TMEM144: variants seen among roughly 807,000 people sequenced by gnomAD.
TMEM144 encodes transmembrane protein 144.
Under a neutral mutation model 43.6 loss-of-function variants are expected in TMEM144, and 39 were observed. The observed-to-expected ratio is 0.90, with a 90% CI of 0.69 to 1.17. The LOEUF (loss-of-function observed/expected upper bound fraction) is 1.17, where lower values mean the gene tolerates loss of function less well. Among genes scored for constraint, TMEM144 ranks in the 50% most tolerant of loss-of-function variants. The probability of loss-of-function intolerance (pLI) is 0.00; values close to 1 mark genes in which losing one functional copy is unlikely to be tolerated. For missense variants in TMEM144, 417 were observed against 411.9 expected (o/e 1.01, Z -0.11); for synonymous variants, 154 against 133.6 (o/e 1.15, Z -1.06).
intron 6 of TMEM144, among the ~76,000 whole-genome samples, chr4:158,225,662 T>C (rs1734728002): frequency 6.6e-6 from 1 of 152,226 alleles, no homozygotes; most frequent in Admixed American, 6.5e-5. Context: ...AGTGCCATGC[T>C]AGTTATTCGG....
chr4:158,212,977 G>T, intron 3 of TMEM144: 1 of 599,668 alleles, frequency 1.7e-6, no homozygotes, highest in Non-Finnish European at 2.9e-6. Context: ...GTTGTTTCAT[G>T]GTAAAGTTAG....
Position 158,233,054 on chromosome 4 carries a change from A to T in TMEM144, c.495+72A>T, listed in dbSNP as rs73860314. 1,723 of 1,192,994 alleles carry T rather than the reference A, an allele frequency of 1.4e-3. 14 individuals are homozygous for T. In the African/African-American group the frequency reaches 0.023, roughly 16 times the overall value. The allele number at this position is 1,192,994 out of a possible 1,614,324, so 73.9% of individuals were successfully genotyped here. On this transcript the variant is annotated intron_variant, in intron 7 of 12. Coordinates refer to ENST00000296529, the MANE Select transcript of TMEM144 (RefSeq NM_018342.5). ...ATAAATGGATAATACATAAATTTTAAACACAGATGAAAAAGTGGTGTTTGC... is the reference window on the plus strand; with the variant it reads ...ATAAATGGATAATACATAAATTTTATACACAGATGAAAAAGTGGTGTTTGC...
At position 158,255,165 on chromosome 4, in the gene TMEM144, G is replaced by C. The variant is rs1230436203; in HGVS notation, c.*1638G>C. The C allele has an allele frequency of 6.6e-6, 1 of 151,932 alleles. No individual in the cohort carries two copies. Among genetic ancestry groups the C allele is most frequent in the Non-Finnish European group, 1.5e-5 (1 of 67,954 alleles). 9.4% of individuals were successfully genotyped at this position (151,932 alleles called of 1,614,324 possible). On this transcript the variant is annotated 3_prime_UTR_variant, in exon 13 of 13. Transcript: ENST00000296529. ...CTTAAAAGTGATGGAGCTTCTGTTT[G>C]TTTATTGAATTGCTAATACAAATAA...
Position 158,244,330 on chromosome 4 carries a change from T to A in TMEM144, c.935T>A (p.Phe312Tyr). ...PGFIAAMWGIFMFKEIKGLQN... is the reference protein window; with the variant it reads ...PGFIAAMWGIYMFKEIKGLQN... The stretch of plus-strand genomic sequence containing the variant: ...TTTATAGCTGCAATGTGGGGTATCT[T>A]CATGTTTAAGGAAATAAAGGTATGT... Residue 312 changes from phenylalanine (F) to tyrosine (Y), a missense_variant, in exon 12 of 13, where the codon TTC becomes TAC. Transcript: ENST00000296529. The A allele has an allele frequency of 6.2e-7, 1 of 1,609,042 alleles. No homozygotes were observed. Among genetic ancestry groups the A allele is most frequent in the Non-Finnish European group, 8.5e-7 (1 of 1,177,370 alleles).
chr4:158,225,230 A>G (rs1734704458), intron 6 of TMEM144, among the ~76,000 whole-genome samples: 1 of 152,144 alleles, frequency 6.6e-6, no homozygotes, highest in South Asian at 2.1e-4. Flanking sequence ...TTTTAGAGAT[A>G]GGCCACTGGC....
At chr4:158,251,994 A>T (rs1484827884) in intron 12 of TMEM144, among the ~76,000 whole-genome samples, 2 of 152,178 alleles carry the variant, frequency 1.3e-5, no homozygotes, top group Non-Finnish European at 2.9e-5. Context: ...ACAATAAGGA[A>T]GCTTGAAACC....
rs1736390637 is a variant in TMEM144, at chr4:158,254,635, C to T, written c.*1108C>T. ...TTTAAATTTGTAAGAAAAAAGAAAA[C>T]TGAAACAGAACTGCCAGTACAATGT... On this transcript the variant is annotated 3_prime_UTR_variant, in exon 13 of 13. Coordinates refer to ENST00000296529, the MANE Select transcript of TMEM144 (RefSeq NM_018342.5). 6.6e-6 allele frequency: 1 copy of T among 152,046 alleles called. No homozygotes were observed. Among genetic ancestry groups the T allele is most frequent in the South Asian group, 2.1e-4 (1 of 4,820 alleles). The allele number at this position is 152,046 out of a possible 1,614,324, so 9.4% of individuals were successfully genotyped here. A position where few individuals can be genotyped will look rare whatever the true frequency, so the allele number is the denominator to read the frequency against.
At chr4:158,239,767 C>A (rs1735532998) in intron 9 of TMEM144, among the ~76,000 whole-genome samples, 1 of 151,856 alleles carries the variant, frequency 6.6e-6, no homozygotes, top group Admixed American at 6.6e-5. Context: ...TAAAAACTAG[C>A]CTTTAGTTTT....
At chr4:158,231,915 T>C (rs1205752852) in intron 6 of TMEM144, among the ~76,000 whole-genome samples, 1 of 152,196 alleles carries the variant, frequency 6.6e-6, no homozygotes, top group Admixed American at 6.5e-5. Context: ...GAAACCTAAC[T>C]AGAGCATTTT....
intron 9 of TMEM144, among the ~76,000 whole-genome samples, chr4:158,240,068 G>A (rs1479832488): frequency 6.6e-6 from 1 of 151,954 alleles, no homozygotes; most frequent in Non-Finnish European, 1.5e-5. Context: ...TGTATTTTTA[G>A]TAAAGGCAGG....
At chr4:158,234,564 C>G (rs1427352468) in intron 7 of TMEM144, 2 of 151,738 alleles carry the variant, frequency 1.3e-5, no homozygotes, top group African/African-American at 4.8e-5. Flanking sequence ...CAAAAAAACA[C>G]TTCGGCTATA....
At position 158,210,491 on chromosome 4, in the gene TMEM144, G is replaced by A. The variant is rs1455707515; in HGVS notation, c.-278G>A. On this transcript the variant is annotated 5_prime_UTR_variant, in exon 1 of 13. Transcript: ENST00000296529. ...GGCCAGGCCGCCCCCAGCACGTAGAGGGAATGAGTCAGGCTCCGGCTCCAC... is the reference window on the plus strand; with the variant it reads ...GGCCAGGCCGCCCCCAGCACGTAGAAGGAATGAGTCAGGCTCCGGCTCCAC... 2.6e-5 allele frequency: 4 copies of A among 152,424 alleles called. No homozygotes were observed. The highest frequency in any genetic ancestry group is 9.6e-5 in the African/African-American group (4 of 41,472). The allele number at this position is 152,424 out of a possible 1,614,324, so 9.4% of individuals were successfully genotyped here. A position where few individuals can be genotyped will look rare whatever the true frequency, so the allele number is the denominator to read the frequency against.
chr4:158,214,075 C>G (rs182783175), intron 3 of TMEM144: 1 of 152,122 alleles, frequency 6.6e-6, no homozygotes, highest in East Asian at 1.9e-4. Context: ...CTCACTCTTT[C>G]ACCGAGGATG....
At position 158,254,547 on chromosome 4, in the gene TMEM144, A is replaced by G. The variant is rs1043386736; in HGVS notation, c.*1020A>G. On this transcript the variant is annotated 3_prime_UTR_variant, in exon 13 of 13. Coordinates refer to ENST00000296529, the MANE Select transcript of TMEM144 (RefSeq NM_018342.5). ...CTGAAGTAGGAGGGTCACTTAGCCCAAGAGTGCAAATCTGCCAGCCTAGGC... is the reference window on the plus strand; with the variant it reads ...CTGAAGTAGGAGGGTCACTTAGCCCGAGAGTGCAAATCTGCCAGCCTAGGC... 6.6e-6 allele frequency: 1 copy of G among 151,140 alleles called. No individual in the cohort carries two copies. The highest frequency in any genetic ancestry group is 6.6e-5 in the Admixed American group (1 of 15,156). 9.4% of individuals were successfully genotyped at this position (151,140 alleles called of 1,614,324 possible).
At chr4:158,235,574 T>A (rs1406247882) in intron 8 of TMEM144, 69 bp downstream of exon 8, 1 of 1,450,952 alleles carries the variant, frequency 6.9e-7, no homozygotes, top group Non-Finnish European at 9.4e-7. Flanking sequence ...ATTACCAGCA[T>A]GAAGTAATGT....
intron 5 of TMEM144, among the ~76,000 whole-genome samples, chr4:158,218,699 A>G (rs1303801614): frequency 6.6e-6 from 1 of 152,168 alleles, no homozygotes; most frequent in African/African-American, 2.4e-5. Flanking sequence ...TTAACCTTCC[A>G]TGAGTCAGGT....
chr4:158,243,491 C>A (rs868294311), intron 11 of TMEM144, among the ~76,000 whole-genome samples: 1 of 152,106 alleles, frequency 6.6e-6, no homozygotes. Flanking sequence ...GTTTGAAGAG[C>A]AATCATAAAA....
At chr4:158,242,429 T>G (rs1405350180) in intron 11 of TMEM144, among the ~76,000 whole-genome samples, 1 of 152,210 alleles carries the variant, frequency 6.6e-6, no homozygotes, top group African/African-American at 2.4e-5. Context: ...ATTTTTTTGG[T>G]AGGGCTAGAT....
At chr4:158,237,398 T>G in intron 8 of TMEM144, 127 bp from the exon 9 acceptor site, 64 of 706,754 alleles carry the variant, frequency 9.1e-5, no homozygotes, top group Non-Finnish European at 1.5e-4. Flanking sequence ...TCACAGAGCT[T>G]GAGATAAATG....
Sources: gnomAD v4.1 joint callset for allele counts (sites outside exome capture counted in the v4.1 genomes callset) on GRCh38, gnomAD v4.1.1 for gene constraint, MANE v1.5 for transcripts, NCBI Gene and HGNC (gene_info 2026-07-23, HGNC 2026-07-21) for gene names.